TMEM132D: variants seen among roughly 807,000 people sequenced by gnomAD.
The protein encoded by TMEM132D is transmembrane protein 132D.
Under a neutral mutation model 62.3 loss-of-function variants are expected in TMEM132D, and 21 were observed. That is an observed-to-expected ratio of 0.34 (90% CI 0.24 to 0.49). The LOEUF (loss-of-function observed/expected upper bound fraction) is 0.49. Ranked by LOEUF, TMEM132D falls within the 20% of genes least tolerant of loss-of-function variation. The pLI, the probability that TMEM132D is intolerant of heterozygous loss-of-function variation, is 0.99. For synonymous variants in TMEM132D, 621 were observed against 575.6 expected, an observed-to-expected ratio of 1.08 and a Z score of -1.13; for missense variants, 1,346 against 1,402.8, an observed-to-expected ratio of 0.96 and a Z score of 0.65.
At chr12:129,364,379 C>T (rs1870341800) in intron 3 of TMEM132D, among the ~76,000 whole-genome samples, 1 of 152,172 alleles carries the variant, frequency 6.6e-6, no homozygotes, top group African/African-American at 2.4e-5. Flanking sequence ...TTAAATTGTT[C>T]AGTGTACAAC....
At chr12:129,562,386 C>A (rs939697366) in intron 2 of TMEM132D, among the ~76,000 whole-genome samples, 1 of 152,172 alleles carries the variant, frequency 6.6e-6, no homozygotes, top group Non-Finnish European at 1.5e-5. Context: ...TACTAGCAAG[C>A]ATTTTTCCTT....
intron 4 of TMEM132D, among the ~76,000 whole-genome samples, chr12:129,321,266 C>G (rs915578700): frequency 7.2e-5 from 11 of 152,132 alleles, no homozygotes; most frequent in African/African-American, 2.7e-4. Flanking sequence ...TATCACTGAT[C>G]TTCCTAACAA....
intron 3 of TMEM132D, among the ~76,000 whole-genome samples, chr12:129,341,077 T>G (rs1255813472): frequency 1.3e-5 from 2 of 152,252 alleles, no homozygotes; most frequent in Non-Finnish European, 2.9e-5. Context: ...ATTTGAATTT[T>G]AATGCCCCTT....
At chr12:129,540,039 C>T (rs529146631) in intron 2 of TMEM132D, among the ~76,000 whole-genome samples, 1 of 148,028 alleles carries the variant, frequency 6.8e-6, no homozygotes, top group African/African-American at 2.5e-5. Flanking sequence ...ACCTATTTCA[C>T]TCCATTAAGC....
chr12:129,843,155 A>G (rs1873251467), intron 1 of TMEM132D, among the ~76,000 whole-genome samples: 1 of 152,186 alleles, frequency 6.6e-6, no homozygotes, highest in South Asian at 2.1e-4. Context: ...TATTTTTTTC[A>G]ATATACTTGC....
At chr12:129,252,684 T>C (rs1880299822) in intron 4 of TMEM132D, among the ~76,000 whole-genome samples, 1 of 152,150 alleles carries the variant, frequency 6.6e-6, no homozygotes, top group Non-Finnish European at 1.5e-5. Flanking sequence ...AGCCATCCCA[T>C]TACTGGGTAT....
chr12:129,503,931 T>C (rs116445765), intron 3 of TMEM132D, among the ~76,000 whole-genome samples: 1,821 of 152,154 alleles, frequency 0.012, 26 homozygotes, highest in African/African-American at 0.041. Context: ...TCATCATCAT[T>C]ACTGTCATCA....
At chr12:129,184,716 C>T (rs878876188) in intron 5 of TMEM132D, among the ~76,000 whole-genome samples, 2 of 152,226 alleles carry the variant, frequency 1.3e-5, no homozygotes, top group Non-Finnish European at 2.9e-5. Context: ...TGTCTCTTCC[C>T]GGTTGCATGG....
At chr12:129,321,485 C>A (rs1393690744) in intron 4 of TMEM132D, among the ~76,000 whole-genome samples, 2 of 152,320 alleles carry the variant, frequency 1.3e-5, no homozygotes, top group East Asian at 3.9e-4. Context: ...CATGCCCCAG[C>A]TCTGCTTTGC....
At chr12:129,794,979 C>A (rs1406656658) in intron 1 of TMEM132D, among the ~76,000 whole-genome samples, 1 of 152,168 alleles carries the variant, frequency 6.6e-6, no homozygotes, top group Non-Finnish European at 1.5e-5. Flanking sequence ...TGGCTATCAG[C>A]TTCTCCTTTG....
intron 5 of TMEM132D, among the ~76,000 whole-genome samples, chr12:129,098,254 C>T (rs1001793851): frequency 1.3e-5 from 2 of 152,146 alleles, no homozygotes; most frequent in Admixed American, 6.5e-5. Context: ...ATAAATGTGG[C>T]CAACTGATCG....
rs114844794 is a variant in TMEM132D, at chr12:129,453,837, C to T, written c.1115+77222G>A. On this transcript the variant is annotated intron_variant, in intron 3 of 8. Coordinates refer to ENST00000422113, the MANE Select transcript of TMEM132D (RefSeq NM_133448.3). ...ACTGCTACTACTGTGTGTGCATCTG[C>T]GTGTTCCTGTGTCTGTGTATGAGTC... is the stretch of plus-strand genomic sequence containing the variant. Among the ~76,000 whole-genome samples the T allele has an allele frequency of 1.6e-3, 243 of 152,274 alleles. 1 individual carries two copies. The highest frequency in any genetic ancestry group is 5.3e-3 in the African/African-American group (220 of 41,554).
At chr12:129,470,080 G>C (rs1352839751) in intron 3 of TMEM132D, among the ~76,000 whole-genome samples, 1 of 152,156 alleles carries the variant, frequency 6.6e-6, no homozygotes, top group African/African-American at 2.4e-5. Flanking sequence ...GATACTGGAC[G>C]GATCAATCTT....
At chr12:129,305,076 G>T (rs1173073769) in intron 4 of TMEM132D, among the ~76,000 whole-genome samples, 2 of 152,068 alleles carry the variant, frequency 1.3e-5, no homozygotes, top group African/African-American at 4.8e-5. Context: ...TATTACTTGG[G>T]GAATGCCAGT....
chr12:129,090,234 G>T (rs769508698), intron 5 of TMEM132D, among the ~76,000 whole-genome samples: 3 of 152,188 alleles, frequency 2.0e-5, no homozygotes, highest in Non-Finnish European at 2.9e-5. Flanking sequence ...ACATGCTCCA[G>T]TGGCTTTATT....
chr12:129,260,580 T>C (rs1181093253), intron 4 of TMEM132D, among the ~76,000 whole-genome samples: 2 of 152,204 alleles, frequency 1.3e-5, no homozygotes, highest in South Asian at 2.1e-4. Flanking sequence ...ATAAGTTCTT[T>C]AGTGGTGATT....
chr12:129,132,296 G>A (rs1876398710), intron 5 of TMEM132D, among the ~76,000 whole-genome samples: 1 of 152,124 alleles, frequency 6.6e-6, no homozygotes, highest in Non-Finnish European at 1.5e-5. Context: ...TTGTTTTGAG[G>A]AAACAAGAAT....
At chr12:129,463,924 G>C (rs540781650) in intron 3 of TMEM132D, among the ~76,000 whole-genome samples, 1 of 149,876 alleles carries the variant, frequency 6.7e-6, no homozygotes, top group Admixed American at 6.7e-5. Context: ...GAATAGTGCC[G>C]CAATAAACAT....
At chr12:129,467,612 G>A (rs1873953220) in intron 3 of TMEM132D, among the ~76,000 whole-genome samples, 1 of 152,180 alleles carries the variant, frequency 6.6e-6, no homozygotes, top group Admixed American at 6.5e-5. Context: ...GGTATCACAG[G>A]AATTTGGGAT....
Sources: allele counts gnomAD v4.1 joint callset (sites outside exome capture counted in the v4.1 genomes callset), GRCh38; gene constraint gnomAD v4.1.1; transcripts MANE v1.5; gene names NCBI Gene and HGNC (gene_info 2026-07-23, HGNC 2026-07-21).